The following CDH12 variants were observed in gnomAD, a reference collection of about 807,000 sequenced individuals.
CDH12 encodes cadherin-12.
A neutral mutation model predicts 74.1 loss-of-function variants in CDH12; 41 were observed. The ratio of observed to expected loss-of-function variants is 0.55; its 90% CI spans 0.43 to 0.72. The LOEUF is 0.72. CDH12 is among the 30% of genes least tolerant of loss of function. The pLI is 0.00. For synonymous variants in CDH12, 399 were observed against 355.0 expected (o/e 1.12, Z -1.39); for missense variants, 945 against 977.2 (o/e 0.97, Z 0.44).
intron 1 of CDH12, among the ~76,000 whole-genome samples, chr5:22,621,868 A>C (rs1255738078): frequency 6.6e-6 from 1 of 152,110 alleles, no homozygotes; most frequent in African/African-American, 2.4e-5. Flanking sequence ...CCCACTGTAA[A>C]AACACAAAAA....
intron 3 of CDH12, among the ~76,000 whole-genome samples, chr5:22,287,119 C>T (rs796954912): frequency 6.6e-5 from 10 of 152,194 alleles, no homozygotes; most frequent in African/African-American, 2.4e-4. Context: ...AGCTGGTTGA[C>T]CGTAAGAGAA....
chr5:22,380,407 T>C (rs1314972468), intron 3 of CDH12, among the ~76,000 whole-genome samples: 2 of 152,198 alleles, frequency 1.3e-5, no homozygotes, highest in Non-Finnish European at 2.9e-5. Context: ...CTCCAAAGAA[T>C]GGAGTCAACA....
At chr5:22,628,100 A>G (rs187526169) in intron 1 of CDH12, among the ~76,000 whole-genome samples, 3 of 152,152 alleles carry the variant, frequency 2.0e-5, no homozygotes, top group African/African-American at 7.2e-5. Flanking sequence ...CAAGATTCAT[A>G]AAAGCAAGTT....
At chr5:22,450,882 T>G (rs1745015219) in intron 2 of CDH12, among the ~76,000 whole-genome samples, 1 of 150,522 alleles carries the variant, frequency 6.6e-6, no homozygotes, top group Admixed American at 6.6e-5. Flanking sequence ...AGCCACTTTT[T>G]TTTTTTTTTT....
intron 1 of CDH12, among the ~76,000 whole-genome samples, chr5:22,604,601 A>T (rs1251860371): frequency 6.6e-6 from 1 of 152,202 alleles, no homozygotes; most frequent in Non-Finnish European, 1.5e-5. Context: ...GTATAAAATA[A>T]AGTATTCAGT....
intron 4 of CDH12, among the ~76,000 whole-genome samples, chr5:22,121,172 T>C (rs138620201): frequency 2.6e-5 from 4 of 152,216 alleles, no homozygotes; most frequent in African/African-American, 9.6e-5. Flanking sequence ...TCTCCATGGG[T>C]ATCTAGCAGT....
rs535637074 is a variant in CDH12, at chr5:21,947,181, G to A, written c.526+27910C>T. 6.0e-4 allele frequency among the ~76,000 whole-genome samples: 91 copies of A among 152,174 alleles called. 4 individuals carry two copies. In the South Asian group the frequency reaches 8.9e-3, roughly 15 times the overall value. ...TTCTTTTATAAATTACCCTGTCTTG[G>A]GTAGTATCTTTATAGCAGTGTGAGA... On this transcript the variant is annotated intron_variant, in intron 6 of 14. Transcript: ENST00000382254.
At chr5:22,009,939 C>CAAA (rs774589642) in intron 5 of CDH12, among the ~76,000 whole-genome samples, 798 of 54,274 alleles carry the variant, frequency 0.015, 18 homozygotes, top group African/African-American at 0.042. Context: ...GAAACTGTCT[C>CAAA]AAAAAAAAAA....
intron 3 of CDH12, among the ~76,000 whole-genome samples, chr5:22,305,345 C>T (rs1248528323): frequency 1.3e-5 from 2 of 152,082 alleles, no homozygotes; most frequent in Non-Finnish European, 2.9e-5. Context: ...TCAGGTACTT[C>T]GGCATTATTA....
At chr5:22,357,391 C>A (rs184830289) in intron 3 of CDH12, among the ~76,000 whole-genome samples, 2 of 152,090 alleles carry the variant, frequency 1.3e-5, no homozygotes, top group African/African-American at 4.8e-5. Flanking sequence ...AGTCTGCTCA[C>A]AGAAAATCCT....
chr5:21,768,062 AT>A (rs1488426602), intron 11 of CDH12, among the ~76,000 whole-genome samples: 5 of 151,934 alleles, frequency 3.3e-5, no homozygotes, highest in African/African-American at 1.2e-4. Flanking sequence ...TTATTTGAAA[AT>A]AACACCATAT....
At chr5:21,909,334 C>G (rs1282305268) in intron 6 of CDH12, among the ~76,000 whole-genome samples, 1 of 152,106 alleles carries the variant, frequency 6.6e-6, no homozygotes, top group Non-Finnish European at 1.5e-5. Flanking sequence ...TGCACTAGGC[C>G]AGGGGCTACC....
intron 7 of CDH12, among the ~76,000 whole-genome samples, chr5:21,843,564 G>T (rs1416913847): frequency 2.0e-5 from 3 of 150,582 alleles, no homozygotes; most frequent in Non-Finnish European, 4.4e-5. Context: ...GCCCAGGCTG[G>T]AGTGCAATGG....
intron 3 of CDH12, among the ~76,000 whole-genome samples, chr5:22,283,275 CATAT>C (rs1256456723): frequency 7.5e-5 from 10 of 133,698 alleles, no homozygotes; most frequent in Admixed American, 3.6e-4. Context: ...CACACACACA[CATAT>C]ACACACATAT....
chr5:22,268,853 T>A (rs939698237), intron 3 of CDH12, among the ~76,000 whole-genome samples: 2 of 152,132 alleles, frequency 1.3e-5, no homozygotes, highest in Admixed American at 6.6e-5. Context: ...CTCGTATGCA[T>A]CATACTTTAC....
intron 3 of CDH12, among the ~76,000 whole-genome samples, chr5:22,402,373 T>C (rs552672753): frequency 6.6e-6 from 1 of 152,300 alleles, no homozygotes; most frequent in South Asian, 2.1e-4. Flanking sequence ...TCTGGTGATG[T>C]CTCCAAAGAA....
At chr5:21,867,753 G>C (rs367971603) in intron 6 of CDH12, among the ~76,000 whole-genome samples, 2 of 152,146 alleles carry the variant, frequency 1.3e-5, no homozygotes, top group East Asian at 3.8e-4. Context: ...ATGATACTTT[G>C]GACTGTGGAC....
chr5:22,025,840 C>T (rs150729916), intron 5 of CDH12, among the ~76,000 whole-genome samples: 1 of 152,144 alleles, frequency 6.6e-6, no homozygotes, highest in Non-Finnish European at 1.5e-5. Context: ...TAACAAATCA[C>T]TTTTCTAGCT....
intron 1 of CDH12, among the ~76,000 whole-genome samples, chr5:22,707,381 A>C (rs946595774): frequency 6.6e-6 from 1 of 152,250 alleles, no homozygotes; most frequent in East Asian, 1.9e-4. Context: ...TTAACTTTTA[A>C]CTATGATTTC....
Sources: gnomAD v4.1 joint callset for allele counts (sites outside exome capture counted in the v4.1 genomes callset) on GRCh38, gnomAD v4.1.1 for gene constraint, MANE v1.5 for transcripts, NCBI Gene and HGNC (gene_info 2026-07-23, HGNC 2026-07-21) for gene names.